PDIA5: variants seen among roughly 807,000 people sequenced by gnomAD.
PDIA5 encodes protein disulfide-isomerase A5.
PDIA5 carries 58 observed loss-of-function variants against 77.6 expected under a neutral mutation model. That is an observed-to-expected ratio of 0.75 (90% CI 0.61 to 0.93). The LOEUF is 0.93. Ranked by LOEUF, PDIA5 falls within the 40% of genes least tolerant of loss-of-function variation. PDIA5 has a pLI of 0.00. For synonymous variants in PDIA5, 250 were observed against 252.1 expected (o/e 0.99, Z 0.08); for missense variants, 630 against 647.7 (o/e 0.97, Z 0.30).
At position 123,161,404 on chromosome 3, in the gene PDIA5, C is replaced by A; in HGVS notation, c.1428C>A (p.Phe476Leu). ...QQEAVKGYPT[F>L]HYYHYGKFAE... ...AGGCGGTCAAGGGCTACCCCACTTT[C>A]CACTACTACCACTATGGGAAGTTCG... is the stretch of plus-strand genomic sequence containing the variant. Residue 476 changes from phenylalanine (F) to leucine (L), a missense_variant, in exon 16 of 17, where the codon TTC becomes TTA. Phe to Leu is a conservative substitution (Grantham distance 22). Coordinates refer to ENST00000316218, the MANE Select transcript of PDIA5 (RefSeq NM_006810.4). 3 of 1,614,174 alleles carry A rather than the reference C, an allele frequency of 1.9e-6. No individual in the cohort carries two copies. The highest frequency in any genetic ancestry group is 1.7e-6 in the Non-Finnish European group (2 of 1,180,016).
intron 3 of PDIA5, among the ~76,000 whole-genome samples, chr3:123,097,254 T>C (rs1193106662): frequency 6.6e-6 from 1 of 152,214 alleles, no homozygotes; most frequent in Non-Finnish European, 1.5e-5. Flanking sequence ...ATCTTGTGGC[T>C]TCAGATACCT....
chr3:123,111,291 T>C (rs1934858338), intron 7 of PDIA5, among the ~76,000 whole-genome samples: 1 of 152,216 alleles, frequency 6.6e-6, no homozygotes, highest in African/African-American at 2.4e-5. Context: ...TCCCCCACCA[T>C]GTCCCATTTC....
At chr3:123,153,661 C>T (rs965514290) in intron 14 of PDIA5, among the ~76,000 whole-genome samples, 2 of 152,094 alleles carry the variant, frequency 1.3e-5, no homozygotes, top group Non-Finnish European at 2.9e-5. Flanking sequence ...TACACCCCCA[C>T]CCCCCATCAC....
chr3:123,124,224 G>A (rs1935189196), intron 9 of PDIA5, 48 bp from the exon 10 acceptor site: 2 of 1,577,166 alleles, frequency 1.3e-6, no homozygotes, highest in African/African-American at 1.3e-5. Context: ...TCTCAGGGTG[G>A]CATTTGCATC....
In PDIA5 at chr3:123,124,168, C is replaced by T. The variant is rs1576453437; in HGVS notation, c.701+11C>T. 5 of 1,608,634 alleles carry T rather than the reference C, an allele frequency of 3.1e-6. No individual in the cohort carries two copies. Among genetic ancestry groups the T allele is most frequent in the Non-Finnish European group, 4.3e-6 (5 of 1,174,996 alleles). ...CATCTGCTATTTTGAGTACGTCCCC[C>T]ACTTTCCTTCTAAAGCTCACCTCCC... On this transcript the variant is annotated intron_variant, in intron 9 of 16. Transcript: ENST00000316218.
intron 2 of PDIA5, among the ~76,000 whole-genome samples, chr3:123,090,507 A>G (rs944730891): frequency 2.0e-5 from 3 of 152,178 alleles, no homozygotes; most frequent in African/African-American, 7.2e-5. Context: ...TTGTCAGAGG[A>G]CATCCAGTAT....
intron 1 of PDIA5, among the ~76,000 whole-genome samples, chr3:123,077,965 A>T (rs1933899520): frequency 6.6e-6 from 1 of 151,920 alleles, no homozygotes; most frequent in Admixed American, 6.5e-5. Flanking sequence ...ACGTGCCACC[A>T]TGCCCAGCTA....
rs1256696905 is a variant in PDIA5 at position 123,096,812 on chromosome 3, G to A, written c.257+4370G>A. ...TCCGGCTGTTAAGCGGGTTGTGTGT[G>A]CGGGAGTTGGTATTCCCCTCGTGCC... On this transcript the variant is annotated intron_variant, in intron 3 of 16. Coordinates refer to ENST00000316218, the MANE Select transcript of PDIA5 (RefSeq NM_006810.4). Among the ~76,000 whole-genome samples, 4 of 152,226 alleles carry A rather than the reference G, an allele frequency of 2.6e-5. No individual in the cohort carries two copies. The South Asian group carries it at 6.2e-4, about 24-fold the overall frequency.
At chr3:123,084,456 C>T (rs1934083803) in intron 1 of PDIA5, among the ~76,000 whole-genome samples, 1 of 151,982 alleles carries the variant, frequency 6.6e-6, no homozygotes, top group Non-Finnish European at 1.5e-5. Context: ...CAGCCCTCCC[C>T]ACCTCCCTCT....
intron 11 of PDIA5, chr3:123,144,892 CAAAAAAAAAAG>C (rs986092513): frequency 1.4e-5 from 2 of 145,390 alleles, no homozygotes; most frequent in African/African-American, 5.0e-5. Flanking sequence ...TATCTCAAAA[CAAAAAAAAAAG>C]AAAGAAAAGG....
At position 123,110,517 on chromosome 3, in the gene PDIA5, A is replaced by G. The variant is rs1047878678; in HGVS notation, c.481-427A>G. Among the ~76,000 whole-genome samples the G allele has an allele frequency of 9.2e-5, 14 of 152,168 alleles. 1 individual carries two copies. The highest frequency in any genetic ancestry group is 3.4e-4 in the African/African-American group (14 of 41,436). ...CATGAAAACAGCCACCCGCAGCACA[A>G]CAAAACCGCTGTGTAAGTCACAGGA... On this transcript the variant is annotated intron_variant, in intron 6 of 16. Transcript: ENST00000316218.
intron 11 of PDIA5, among the ~76,000 whole-genome samples, chr3:123,140,970 G>A (rs1935619706): frequency 1.3e-5 from 2 of 152,116 alleles, no homozygotes; most frequent in African/African-American, 4.8e-5. Context: ...TCTGTCTCAG[G>A]CCCACCGCTG....
intron 1 of PDIA5, among the ~76,000 whole-genome samples, chr3:123,076,335 C>T (rs1283990612): frequency 6.6e-6 from 1 of 152,108 alleles, no homozygotes. Context: ...GGGGATAGTA[C>T]CACCTCTGCC....
intron 15 of PDIA5, among the ~76,000 whole-genome samples, 194 bp from the exon 16 acceptor site, chr3:123,161,127 T>G (rs1179585181): frequency 6.6e-6 from 1 of 152,174 alleles, no homozygotes; most frequent in Non-Finnish European, 1.5e-5. Context: ...CTTACCCATC[T>G]GGAAATTGAA....
chr3:123,102,056 C>T (rs550651162), intron 3 of PDIA5, among the ~76,000 whole-genome samples: 117 of 151,952 alleles, frequency 7.7e-4, no homozygotes, highest in African/African-American at 2.6e-3. Context: ...ATTACAGGCA[C>T]GTACCACCAC....
chr3:123,093,183 G>A (rs1317930736), intron 3 of PDIA5, among the ~76,000 whole-genome samples: 1 of 152,128 alleles, frequency 6.6e-6, no homozygotes, highest in Non-Finnish European at 1.5e-5. Flanking sequence ...GAGCATTGAA[G>A]GAGATTCATA....
intron 1 of PDIA5, among the ~76,000 whole-genome samples, chr3:123,076,715 GCT>G (rs1933868835): frequency 6.6e-6 from 1 of 152,160 alleles, no homozygotes; most frequent in Admixed American, 6.5e-5. Flanking sequence ...GAATTCACCT[GCT>G]CTTCCTCCCT....
chr3:123,140,767 A>G (rs1935613278), intron 11 of PDIA5, among the ~76,000 whole-genome samples: 2 of 152,222 alleles, frequency 1.3e-5, no homozygotes, highest in South Asian at 4.1e-4. Flanking sequence ...CCCAGCACAG[A>G]CAGCGAGTGC....
intron 8 of PDIA5, among the ~76,000 whole-genome samples, chr3:123,120,146 A>G (rs1257116560): frequency 1.3e-5 from 2 of 152,112 alleles, no homozygotes; most frequent in African/African-American, 4.8e-5. Context: ...ATCTGCACTG[A>G]GCCTTTGAGC....
Sources: gnomAD v4.1 joint callset for allele counts (sites outside exome capture counted in the v4.1 genomes callset) on GRCh38, gnomAD v4.1.1 for gene constraint, MANE v1.5 for transcripts, NCBI Gene and HGNC (gene_info 2026-07-23, HGNC 2026-07-21) for gene names.